The following WDR72 variants were observed in gnomAD, a reference collection of about 807,000 sequenced individuals.
WDR72 encodes WD repeat domain 72.
In WDR72, 120 loss-of-function variants were observed where a neutral mutation model predicts 124.2. That is an observed-to-expected ratio of 0.97 (90% CI 0.83 to 1.12). WDR72 has a LOEUF of 1.12. WDR72 is among the 50% of genes most tolerant of loss of function. The probability of loss-of-function intolerance (pLI) is 0.00; values close to 1 mark genes in which losing one functional copy is unlikely to be tolerated. For missense variants in WDR72, 1,387 were observed against 1,278.8 expected (o/e 1.08, Z -1.29); for synonymous variants, 452 against 441.7 (o/e 1.02, Z -0.29).
chr15:53,578,018 A>T (rs1167052553), intron 18 of WDR72, among the ~76,000 whole-genome samples: 2 of 152,164 alleles, frequency 1.3e-5, no homozygotes, highest in East Asian at 3.9e-4. Flanking sequence ...CTTCACCATC[A>T]TATACCAGGA....
intron 9 of WDR72, among the ~76,000 whole-genome samples, chr15:53,710,169 C>G (rs567202274): frequency 6.6e-6 from 1 of 152,058 alleles, no homozygotes; most frequent in Non-Finnish European, 1.5e-5. Flanking sequence ...AAAATTTATT[C>G]GTAAGAATAG....
intron 19 of WDR72, 140 bp downstream of exon 19, chr15:53,523,078 G>C: frequency 1.2e-6 from 1 of 803,280 alleles, no homozygotes; most frequent in South Asian, 1.4e-5. Context: ...TGTGACCCCT[G>C]GAGGTGACCA....
intron 2 of WDR72, among the ~76,000 whole-genome samples, chr15:53,723,962 A>G (rs1415178629): frequency 6.6e-6 from 1 of 152,230 alleles, no homozygotes; most frequent in Non-Finnish European, 1.5e-5. Context: ...ACAATGGAAT[A>G]GTATACAGCC....
chr15:53,701,629 T>C (rs534192307), intron 12 of WDR72, among the ~76,000 whole-genome samples: 17 of 151,540 alleles, frequency 1.1e-4, no homozygotes, highest in African/African-American at 4.1e-4. Flanking sequence ...AATATTATTA[T>C]AAAAAGAAAT....
intron 13 of WDR72, among the ~76,000 whole-genome samples, chr15:53,689,884 C>T (rs2016778744): frequency 6.6e-6 from 1 of 151,446 alleles, no homozygotes; most frequent in African/African-American, 2.4e-5. Context: ...TACTATGCAG[C>T]CATAAAAAAT....
At chr15:53,704,951 TA>T in intron 11 of WDR72, 36 bp downstream of exon 11, 1 of 1,610,566 alleles carries the variant, frequency 6.2e-7, no homozygotes. Flanking sequence ...CAGCTTTAGA[TA>T]AATCAAATAA....
chr15:53,713,415 T>TTTATTTTATTTTATTTTGTC (rs2017608472), intron 6 of WDR72, among the ~76,000 whole-genome samples: 1 of 112,016 alleles, frequency 8.9e-6, no homozygotes, highest in Admixed American at 9.7e-5. Flanking sequence ...TTTGTTGTAT[T>TTTATTTTATTTTATTTTGTC]TTATTTTATT....
intron 18 of WDR72, among the ~76,000 whole-genome samples, chr15:53,589,839 A>G (rs1405080567): frequency 2.0e-5 from 3 of 152,004 alleles, no homozygotes; most frequent in African/African-American, 7.2e-5. Flanking sequence ...GAAAGATAAA[A>G]CTACTTTTAG....
intron 13 of WDR72, among the ~76,000 whole-genome samples, chr15:53,694,059 A>G (rs2016926907): frequency 6.6e-6 from 1 of 152,176 alleles, no homozygotes; most frequent in African/African-American, 2.4e-5. Flanking sequence ...CCAAGCCCCA[A>G]GCTGCTTCTG....
chr15:53,686,486 G>A (rs1288325034), intron 13 of WDR72, among the ~76,000 whole-genome samples: 1 of 151,432 alleles, frequency 6.6e-6, no homozygotes, highest in Non-Finnish European at 1.5e-5. Context: ...AATGGTAAAG[G>A]GATCAATTCA....
At chr15:53,651,713 C>T (rs993424534) in intron 14 of WDR72, among the ~76,000 whole-genome samples, 5 of 152,154 alleles carry the variant, frequency 3.3e-5, no homozygotes, top group Admixed American at 6.5e-5. Flanking sequence ...AGTGCAGTGG[C>T]GAGATCTCAG....
intron 1 of WDR72, among the ~76,000 whole-genome samples, chr15:53,755,083 C>T (rs2018865866): frequency 6.6e-6 from 1 of 152,156 alleles, no homozygotes. Flanking sequence ...GTTCTATATA[C>T]ATCAACATGG....
chr15:53,651,017 C>T (rs1017550166), intron 14 of WDR72, among the ~76,000 whole-genome samples: 1 of 149,494 alleles, frequency 6.7e-6, no homozygotes, highest in African/African-American at 2.5e-5. Context: ...GGAAGTCAAG[C>T]TTCTTACTTT....
Position 53,615,939 on chromosome 15 carries a change from G to T in WDR72, c.2267C>A (p.Thr756Asn). 1.2e-6 allele frequency: 2 copies of T among 1,613,306 alleles called. No individual in the cohort carries two copies. Among genetic ancestry groups the T allele is most frequent in the Non-Finnish European group, 1.7e-6 (2 of 1,179,648 alleles). The change falls in exon 15 of 20, where the codon ACC (threonine) becomes AAC (asparagine). Residue 756 changes from threonine to asparagine, a missense_variant. Coordinates refer to ENST00000360509, the MANE Select transcript of WDR72 (RefSeq NM_182758.4). ...ITESLAQGDNTIKFSEENDGI... is the reference protein window; with the variant it reads ...ITESLAQGDNNIKFSEENDGI... ...ATCATTTTCTTCTGAGAATTTGATG[G>T]TATTATCTCCTTGGGCCAGGCTTTC...
intron 18 of WDR72, among the ~76,000 whole-genome samples, chr15:53,571,074 A>G (rs1375325814): frequency 1.3e-5 from 2 of 152,044 alleles, no homozygotes; most frequent in Non-Finnish European, 2.9e-5. Flanking sequence ...CTCACTTGTA[A>G]GTGGAAGCTA....
intron 14 of WDR72, among the ~76,000 whole-genome samples, chr15:53,661,824 T>C (rs1395833255): frequency 6.6e-6 from 1 of 152,144 alleles, no homozygotes; most frequent in East Asian, 1.9e-4. Flanking sequence ...ATGGCTACCA[T>C]TTTAGACAGT....
intron 13 of WDR72, among the ~76,000 whole-genome samples, chr15:53,691,865 T>G (rs557685476): frequency 6.6e-6 from 1 of 152,332 alleles, no homozygotes; most frequent in South Asian, 2.1e-4. Flanking sequence ...AGCAATAGAA[T>G]TAGTTTGACA....
At chr15:53,618,211 C>G (rs1235442651) in intron 14 of WDR72, among the ~76,000 whole-genome samples, 1 of 151,874 alleles carries the variant, frequency 6.6e-6, no homozygotes, top group African/African-American at 2.4e-5. Context: ...AATTTCTTTG[C>G]TTTCATTTAG....
chr15:53,574,268 C>T (rs930304142), intron 18 of WDR72, among the ~76,000 whole-genome samples: 6 of 152,130 alleles, frequency 3.9e-5, no homozygotes, highest in African/African-American at 1.4e-4. Context: ...TGAAGAGATG[C>T]CTTCTATACA....
Sources: allele counts gnomAD v4.1 joint callset (sites outside exome capture counted in the v4.1 genomes callset), GRCh38; gene constraint gnomAD v4.1.1; transcripts MANE v1.5; gene names NCBI Gene and HGNC (gene_info 2026-07-23, HGNC 2026-07-21).